Variants in GAL3ST1 observed in about 807,000 individuals in gnomAD.
GAL3ST1 encodes galactose-3-O-sulfotransferase 1, also known as galactosylceramide sulfotransferase.
In GAL3ST1, 13 loss-of-function variants were observed where a neutral mutation model predicts 25.0. The ratio of observed to expected loss-of-function variants is 0.52; its 90% CI spans 0.34 to 0.83. GAL3ST1 has a LOEUF of 0.83. GAL3ST1 is among the 40% of genes least tolerant of loss of function. The pLI, the probability that GAL3ST1 is intolerant of heterozygous loss-of-function variation, is 0.02. For missense variants in GAL3ST1, 474 were observed against 613.6 expected, an observed-to-expected ratio of 0.77 and a Z score of 2.40; for synonymous variants, 274 against 277.8, an observed-to-expected ratio of 0.99 and a Z score of 0.14.
intron 1 of GAL3ST1, among the ~76,000 whole-genome samples, chr22:30,570,774 G>GA (rs201610827): frequency 0.013 from 1,759 of 130,438 alleles, 17 homozygotes; most frequent in Non-Finnish European, 0.019. Context: ...CAAAAAGAAC[G>GA]AAACTCCGTC....
At chr22:30,567,229 T>C (rs2086652860) in intron 1 of GAL3ST1, among the ~76,000 whole-genome samples, 1 of 152,160 alleles carries the variant, frequency 6.6e-6, no homozygotes, top group African/African-American at 2.4e-5. Flanking sequence ...GTCATCACCA[T>C]CACAGGATTT....
intron 1 of GAL3ST1, among the ~76,000 whole-genome samples, chr22:30,564,203 G>C (rs1292845666): frequency 1.3e-5 from 2 of 152,192 alleles, no homozygotes; most frequent in Admixed American, 1.3e-4. Flanking sequence ...AGAGCAGACA[G>C]TCACTCAGCA....
At position 30,555,064 on chromosome 22, in the gene GAL3ST1, C is replaced by T. The variant is rs774126475; in HGVS notation, c.1161G>A (p.Ala387=). 6 of 1,612,710 alleles carry T rather than the reference C, an allele frequency of 3.7e-6. No individual in the cohort carries two copies. The highest frequency in any genetic ancestry group is 5.1e-6 in the Non-Finnish European group (6 of 1,179,672). ...NLKKSIGQRH[A]QLCRRMLTPE... ...GCGTGAGCATGCGCCGGCAGAGCTGCGCGTGCCGCTGCCCGATGCTCTTCT... is the reference window on the plus strand; with the variant it reads ...GCGTGAGCATGCGCCGGCAGAGCTGTGCGTGCCGCTGCCCGATGCTCTTCT... The change falls in exon 4 of 4, where the codon GCG becomes GCA. Residue 387 remains alanine, a synonymous_variant. Transcript: ENST00000406361. This position sits in a 1 kb window ranked among gnomAD's most constrained non-coding sequence, Gnocchi z 8.6.
chr22:30,572,104 T>C lies in GAL3ST1; in HGVS notation c.-120+2362A>G, dbSNP rs575116744. ...CCTTAGAGAAGCGCTAACTGGGGCG[T>C]TGCAAGTCACAGCTTCACCAAGAAG... On this transcript the variant is annotated intron_variant, in intron 1 of 3. Coordinates refer to ENST00000406361, the MANE Select transcript of GAL3ST1 (RefSeq NM_001318104.2). 1.2e-3 allele frequency among the ~76,000 whole-genome samples: 182 copies of C among 152,208 alleles called. 1 individual carries two copies. Among genetic ancestry groups the C allele is most frequent in the Middle Eastern group, 0.01 (3 of 294 alleles).
In GAL3ST1 at chr22:30,555,072, G is replaced by A. The variant is rs1051096052; in HGVS notation, c.1153C>T (p.Arg385Trp). Residue 385 changes from arginine to tryptophan, a missense_variant, in exon 4 of 4, where the codon CGG becomes TGG. Coordinates refer to ENST00000406361, the MANE Select transcript of GAL3ST1 (RefSeq NM_001318104.2). The surrounding 1 kb of genome is among the most constrained non-coding windows in gnomAD (Gnocchi z 8.6). ...ATGCGCCGGCAGAGCTGCGCGTGCC[G>A]CTGCCCGATGCTCTTCTTGAGGTTG... ...GYNLKKSIGQ[R>W]HAQLCRRMLT... 2.3e-5 allele frequency: 37 copies of A among 1,612,388 alleles called. No homozygotes were observed. The highest frequency in any genetic ancestry group is 3.1e-5 in the Non-Finnish European group (36 of 1,179,676).
At chr22:30,568,462 A>G (rs968823773) in intron 1 of GAL3ST1, among the ~76,000 whole-genome samples, 2 of 152,206 alleles carry the variant, frequency 1.3e-5, no homozygotes, top group Non-Finnish European at 2.9e-5. Context: ...GTGGTCTCCA[A>G]GGATCTGGGC....
intron 1 of GAL3ST1, among the ~76,000 whole-genome samples, chr22:30,559,701 G>A (rs1034606630): frequency 3.9e-5 from 6 of 152,134 alleles, no homozygotes; most frequent in African/African-American, 1.2e-4. Flanking sequence ...TTGTTTTGGG[G>A]GATGATCTAA....
rs753448980 is a variant in GAL3ST1, at chr22:30,556,080, C to A, written c.145G>T (p.Ala49Ser). 5 of 1,604,592 alleles carry A rather than the reference C, an allele frequency of 3.1e-6. No homozygotes were observed. The Admixed American group carries it at 6.7e-5, about 21-fold the overall frequency. Reference sequence around the variant, plus strand: ...AGTGCAGGTGGAGAGCAGGACGCTGCGGCCTCCGGGGTCCTGCTGGGGACA... The same window carrying A: ...AGTGCAGGTGGAGAGCAGGACGCTGAGGCCTCCGGGGTCCTGCTGGGGACA... ...AGLASTTPEAAASCSPPALEP... is the reference protein window; with the variant it reads ...AGLASTTPEASASCSPPALEP... Residue 49 changes from alanine (A) to serine (S), a missense_variant, in exon 4 of 4, where the codon GCA becomes TCA. Coordinates refer to ENST00000406361, the MANE Select transcript of GAL3ST1 (RefSeq NM_001318104.2).
chr22:30,557,377 T>C lies in GAL3ST1; in HGVS notation c.16A>G (p.Lys6Glu). 1 of 1,614,186 alleles carries C rather than the reference T, an allele frequency of 6.2e-7. No individual in the cohort carries two copies. The highest frequency in any genetic ancestry group is 1.1e-5 in the South Asian group (1 of 91,080). ...TTAGCCATGGACTCCCAGGGCTTCT[T>C]CTGCGGTGGCAGCATCTCAGACACC... Reference protein sequence around the residue: MLPPQKKPWESMAKGL... With the variant: MLPPQEKPWESMAKGL... Residue 6 changes from lysine (K) to glutamate (E), a missense_variant, in exon 3 of 4, where the codon AAG becomes GAG. By Grantham distance (56) the Lys-to-Glu change is moderately conservative (BLOSUM62 1). Coordinates refer to ENST00000406361, the MANE Select transcript of GAL3ST1 (RefSeq NM_001318104.2).
chr22:30,557,240 T>C (rs1367170267), intron 3 of GAL3ST1, 22 bp downstream of exon 3: 1 of 1,607,032 alleles, frequency 6.2e-7, no homozygotes, highest in African/African-American at 1.3e-5. Context: ...ACACCCATCA[T>C]CTGCCCAGCT....
At chr22:30,564,146 A>G (rs770587320) in intron 1 of GAL3ST1, among the ~76,000 whole-genome samples, 5 of 152,240 alleles carry the variant, frequency 3.3e-5, no homozygotes, top group Non-Finnish European at 5.9e-5. Flanking sequence ...GGTGCTGTGC[A>G]GATCCTCTGC....
intron 1 of GAL3ST1, among the ~76,000 whole-genome samples, chr22:30,561,356 G>A (rs1420008109): frequency 1.3e-5 from 2 of 152,120 alleles, no homozygotes; most frequent in Non-Finnish European, 2.9e-5. Flanking sequence ...CCTGTTAGGA[G>A]CCAGGCCCAA....
chr22:30,571,660 G>A (rs2086789533), intron 1 of GAL3ST1, among the ~76,000 whole-genome samples: 2 of 152,124 alleles, frequency 1.3e-5, no homozygotes, highest in South Asian at 2.1e-4. Context: ...TCAGGAGATT[G>A]AGACCATCCT....
chr22:30,565,079 C>T (rs1437606513), intron 1 of GAL3ST1: 1 of 152,572 alleles, frequency 6.6e-6, no homozygotes, highest in African/African-American at 2.4e-5. Flanking sequence ...GTCCTCACCT[C>T]TCTTTGGACC....
chr22:30,574,633 C>CCT lies in GAL3ST1; in HGVS notation c.-288_-287insAG, dbSNP rs2086856747. On this transcript the variant is annotated 5_prime_UTR_variant, in exon 1 of 4. Transcript: ENST00000406361. ...CCGCGCCGCGCCCGCTCCCGCGCCG[C>CCT]GCCCGCTCCCGGCCAGGTGCCGCCG... The CCT allele has an allele frequency of 6.8e-6, 1 of 146,624 alleles. No individual in the cohort carries two copies. Among genetic ancestry groups the CCT allele is most frequent in the Non-Finnish European group, 1.5e-5 (1 of 65,662 alleles). The allele number at this position is 146,624 out of a possible 1,614,324, so 9.1% of individuals were successfully genotyped here.
At chr22:30,559,391 C>A (rs933535281) in intron 1 of GAL3ST1, among the ~76,000 whole-genome samples, 2 of 151,982 alleles carry the variant, frequency 1.3e-5, no homozygotes, top group Middle Eastern at 3.2e-3. Context: ...CAGGCACACG[C>A]CACCACACCC....
Position 30,572,251 on chromosome 22 carries a change from C to T in GAL3ST1, c.-120+2215G>A, listed in dbSNP as rs115193096. On this transcript the variant is annotated intron_variant, in intron 1 of 3. Coordinates refer to ENST00000406361, the MANE Select transcript of GAL3ST1 (RefSeq NM_001318104.2). Reference sequence around the variant, plus strand: ...GAAATATTTTTTAAGGATTCTTATGCGCTTATTTGCCTAAAACTATGTAAC... The same window carrying T: ...GAAATATTTTTTAAGGATTCTTATGTGCTTATTTGCCTAAAACTATGTAAC... Among the ~76,000 whole-genome samples the T allele has an allele frequency of 5.2e-3, 788 of 152,274 alleles. 7 individuals are homozygous for T. Among genetic ancestry groups the T allele is most frequent in the African/African-American group, 0.018 (751 of 41,546 alleles).
intron 1 of GAL3ST1, among the ~76,000 whole-genome samples, chr22:30,569,431 G>A (rs1233833448): frequency 6.6e-6 from 1 of 152,136 alleles, no homozygotes; most frequent in Non-Finnish European, 1.5e-5. Flanking sequence ...CTGGCTGGCT[G>A]GAGGTAGAGC....
intron 1 of GAL3ST1, chr22:30,560,277 C>T (rs192862436): frequency 6.6e-6 from 1 of 152,072 alleles, no homozygotes. Flanking sequence ...CAGCACCAAC[C>T]TCAGGCTCTG....
Sources: gnomAD v4.1 joint callset for allele counts (sites outside exome capture counted in the v4.1 genomes callset) on GRCh38, gnomAD v4.1.1 for gene constraint, Gnocchi (gnomAD v3.1) non-coding constraint, MANE v1.5 for transcripts, NCBI Gene and HGNC (gene_info 2026-07-23, HGNC 2026-07-21) for gene names.